GOLM2: variants seen among roughly 807,000 people sequenced by gnomAD.
The protein encoded by GOLM2 is protein GOLM2.
Under a neutral mutation model 55.9 loss-of-function variants are expected in GOLM2, and 26 were observed. The ratio of observed to expected loss-of-function variants is 0.47; its 90% CI spans 0.34 to 0.65. The LOEUF (loss-of-function observed/expected upper bound fraction) is 0.65, where lower values mean the gene tolerates loss of function less well. Ranked by LOEUF, GOLM2 falls within the 30% of genes least tolerant of loss-of-function variation. The pLI, the probability that GOLM2 is intolerant of heterozygous loss-of-function variation, is 0.01. For missense variants in GOLM2, 486 were observed against 531.8 expected, an observed-to-expected ratio of 0.91 and a Z score of 0.85; for synonymous variants, 165 against 194.6, an observed-to-expected ratio of 0.85 and a Z score of 1.27.
chr15:44,291,105 T>A (rs989457793), intron 1 of GOLM2, among the ~76,000 whole-genome samples: 1 of 121,300 alleles, frequency 8.2e-6, no homozygotes, highest in Non-Finnish European at 1.8e-5. Context: ...GCCCAGCCTC[T>A]TTTTTTTTTT....
In GOLM2 at chr15:44,414,983, C is replaced by A. The variant is rs1205603931; in HGVS notation, c.*1577C>A. ...AAGGGGAAATTTAAGATTGTTAACC[C>A]TGTTTTTCAGAAGGGCTACTGTTAA... On this transcript the variant is annotated 3_prime_UTR_variant, in exon 10 of 10. Coordinates refer to ENST00000299957, the MANE Select transcript of GOLM2 (RefSeq NM_138423.4). 6.6e-6 allele frequency: 1 copy of A among 152,576 alleles called. No homozygotes were observed. The highest frequency in any genetic ancestry group is 1.9e-4 in the East Asian group (1 of 5,202). The allele number at this position is 152,576 out of a possible 1,614,324, so 9.5% of individuals were successfully genotyped here. A position where few individuals can be genotyped will look rare whatever the true frequency, so the allele number is the denominator to read the frequency against.
intron 6 of GOLM2, among the ~76,000 whole-genome samples, chr15:44,359,473 A>C (rs2079221480): frequency 6.6e-6 from 1 of 152,028 alleles, no homozygotes; most frequent in African/African-American, 2.4e-5. Flanking sequence ...CTGTAGTCTC[A>C]GCTACTTGGG....
At chr15:44,293,617 C>T (rs1392526788) in intron 1 of GOLM2, among the ~76,000 whole-genome samples, 1 of 152,158 alleles carries the variant, frequency 6.6e-6, no homozygotes, top group Non-Finnish European at 1.5e-5. Context: ...CAGGATTAGA[C>T]TGGAGTTGTG....
intron 1 of GOLM2, among the ~76,000 whole-genome samples, chr15:44,319,075 A>G (rs2078931596): frequency 1.3e-5 from 2 of 152,120 alleles, no homozygotes; most frequent in Admixed American, 6.5e-5. Flanking sequence ...AAATCCTTCT[A>G]TTAAGTTCGC....
At chr15:44,379,082 T>C (rs1365908658) in intron 6 of GOLM2, among the ~76,000 whole-genome samples, 1 of 152,174 alleles carries the variant, frequency 6.6e-6, no homozygotes, top group Non-Finnish European at 1.5e-5. Context: ...TGAACTTCTC[T>C]TACATGCTAG....
At chr15:44,404,519 T>C (rs920829684) in intron 9 of GOLM2, among the ~76,000 whole-genome samples, 1 of 152,126 alleles carries the variant, frequency 6.6e-6, no homozygotes, top group South Asian at 2.1e-4. Flanking sequence ...CCTTACAATA[T>C]TATGTACTTT....
At chr15:44,362,659 C>G (rs1438147913) in intron 6 of GOLM2, among the ~76,000 whole-genome samples, 1 of 152,162 alleles carries the variant, frequency 6.6e-6, no homozygotes, top group Non-Finnish European at 1.5e-5. Context: ...ATCAAACTAC[C>G]AATGACTTTC....
At chr15:44,402,671 AC>A in intron 8 of GOLM2, 1 of 418,458 alleles carries the variant, frequency 2.4e-6, no homozygotes, top group Middle Eastern at 6.6e-4. Flanking sequence ...ACTAAAATTA[AC>A]ACAAAAGAGA....
intron 8 of GOLM2, among the ~76,000 whole-genome samples, chr15:44,388,217 TA>T (rs890924052): frequency 3.0e-5 from 4 of 132,364 alleles, no homozygotes; most frequent in African/African-American, 1.2e-4. Context: ...GAGGTTGCAG[TA>T]AGCCAAGATT....
At chr15:44,352,060 G>GA (rs1232913279) in intron 6 of GOLM2, among the ~76,000 whole-genome samples, 1 of 151,888 alleles carries the variant, frequency 6.6e-6, no homozygotes, top group East Asian at 1.9e-4. Flanking sequence ...CCCAGAAATG[G>GA]AAAAAACAAT....
intron 6 of GOLM2, among the ~76,000 whole-genome samples, chr15:44,368,993 T>TA (rs887388771): frequency 4.3e-5 from 6 of 140,964 alleles, no homozygotes; most frequent in Non-Finnish European, 7.6e-5. Context: ...GCAGACAAAT[T>TA]ACTGGAGGAG....
At chr15:44,301,224 GC>G (rs1444717930) in intron 1 of GOLM2, among the ~76,000 whole-genome samples, 2 of 152,080 alleles carry the variant, frequency 1.3e-5, no homozygotes, top group Non-Finnish European at 2.9e-5. Context: ...GGGATTACAG[GC>G]ATGAGCCACC....
At chr15:44,329,451 G>A (rs527571699) in intron 3 of GOLM2, among the ~76,000 whole-genome samples, 234 of 152,082 alleles carry the variant, frequency 1.5e-3, no homozygotes, top group Non-Finnish European at 1.7e-3. Context: ...GTATTTTAAC[G>A]TAACAGTATT....
intron 9 of GOLM2, among the ~76,000 whole-genome samples, chr15:44,411,205 A>G (rs1255730610): frequency 2.6e-5 from 4 of 151,382 alleles, no homozygotes; most frequent in Non-Finnish European, 4.4e-5. Flanking sequence ...TATTTTTAGT[A>G]GAGACTGGGT....
At chr15:44,380,219 G>C (rs2079392703) in intron 7 of GOLM2, among the ~76,000 whole-genome samples, 1 of 152,118 alleles carries the variant, frequency 6.6e-6, no homozygotes, top group Admixed American at 6.5e-5. Context: ...AATGAGAGTA[G>C]ATATGATTGA....
chr15:44,295,917 T>TACACACAC (rs71421830), intron 1 of GOLM2, among the ~76,000 whole-genome samples: 2,348 of 143,140 alleles, frequency 0.016, 78 homozygotes, highest in African/African-American at 0.057. Context: ...CCACCACACA[T>TACACACAC]ACACACACAC....
chr15:44,345,743 C>T (rs1202501412), intron 6 of GOLM2: 1 of 152,048 alleles, frequency 6.6e-6, no homozygotes, highest in East Asian at 1.9e-4. Context: ...GGGGGAAACC[C>T]TCTATAGGTA....
chr15:44,367,400 T>A (rs2079293111), intron 6 of GOLM2, among the ~76,000 whole-genome samples: 2 of 152,216 alleles, frequency 1.3e-5, no homozygotes, highest in African/African-American at 2.4e-5. Context: ...TTTCAACTTT[T>A]ATCTGAAAGT....
At chr15:44,294,652 T>C (rs1245257088) in intron 1 of GOLM2, among the ~76,000 whole-genome samples, 1 of 144,924 alleles carries the variant, frequency 6.9e-6, no homozygotes, top group African/African-American at 2.6e-5. Flanking sequence ...AGGCAGAGGT[T>C]GCAGTGAGCT....
Sources: gnomAD v4.1 joint callset for allele counts (sites outside exome capture counted in the v4.1 genomes callset) on GRCh38, gnomAD v4.1.1 for gene constraint, MANE v1.5 for transcripts, NCBI Gene and HGNC (gene_info 2026-07-23, HGNC 2026-07-21) for gene names.